Variants in MGAT4C observed in about 807,000 individuals in gnomAD.
MGAT4C encodes the protein MGAT4 family member C.
A neutral mutation model predicts 40.1 loss-of-function variants in MGAT4C; 19 were observed. The observed-to-expected ratio is 0.47, with a 90% CI of 0.33 to 0.70. The LOEUF is 0.70. MGAT4C is among the 30% of genes least tolerant of loss of function. MGAT4C has a pLI of 0.02. For missense variants in MGAT4C, 491 were observed against 563.2 expected (o/e 0.87, Z 1.30); for synonymous variants, 181 against 187.1 (o/e 0.97, Z 0.27).
At chr12:86,245,940 G>C (rs1592571858) in intron 1 of MGAT4C, among the ~76,000 whole-genome samples, 1 of 151,902 alleles carries the variant, frequency 6.6e-6, no homozygotes, top group Admixed American at 6.6e-5. Flanking sequence ...TAAAACAAAA[G>C]TTTACACCAT....
At chr12:86,587,385 G>A (rs1307125439) in intron 2 of MGAT4C, among the ~76,000 whole-genome samples, 2 of 152,060 alleles carry the variant, frequency 1.3e-5, no homozygotes, top group African/African-American at 4.8e-5. Context: ...GTCAGGTAGT[G>A]TGATGCCTCC....
chr12:86,493,822 A>G (rs1958184218), intron 2 of MGAT4C, among the ~76,000 whole-genome samples: 1 of 151,900 alleles, frequency 6.6e-6, no homozygotes, highest in Admixed American at 6.6e-5. Context: ...ATAAAATAAA[A>G]TAAATTATCC....
chr12:86,445,686 T>C (rs574531447), intron 2 of MGAT4C, among the ~76,000 whole-genome samples: 1 of 152,300 alleles, frequency 6.6e-6, no homozygotes, highest in African/African-American at 2.4e-5. Flanking sequence ...AATATTTACA[T>C]AATAGAATAA....
chr12:86,194,627 TTTTTTTTTGTA>T (rs1448204622), intron 1 of MGAT4C, among the ~76,000 whole-genome samples: 1 of 151,866 alleles, frequency 6.6e-6, no homozygotes, highest in Non-Finnish European at 1.5e-5. Context: ...ACTAATTTTT[TTTTTTTTTGTA>T]TTTTTAGTAG....
At chr12:86,736,411 T>C (rs933495051) in intron 1 of MGAT4C, among the ~76,000 whole-genome samples, 1 of 151,880 alleles carries the variant, frequency 6.6e-6, no homozygotes, top group Non-Finnish European at 1.5e-5. Flanking sequence ...CTTCCCTTAT[T>C]ATCCGGCTTA....
At chr12:85,999,216 G>T (rs1293101651) in intron 2 of MGAT4C, among the ~76,000 whole-genome samples, 1 of 152,078 alleles carries the variant, frequency 6.6e-6, no homozygotes, top group African/African-American at 2.4e-5. Flanking sequence ...GCCTTTCACT[G>T]GCTGCCTCCC....
At chr12:86,540,741 AG>A (rs763296963) in intron 2 of MGAT4C, among the ~76,000 whole-genome samples, 106 of 147,974 alleles carry the variant, frequency 7.2e-4, no homozygotes, top group Non-Finnish European at 8.7e-4. Flanking sequence ...ATCTCCAGAA[AG>A]AGAGAGAGAG....
At chr12:86,484,634 A>C (rs1957987692) in intron 2 of MGAT4C, among the ~76,000 whole-genome samples, 1 of 152,212 alleles carries the variant, frequency 6.6e-6, no homozygotes, top group Admixed American at 6.5e-5. Flanking sequence ...CAGAACACTG[A>C]GAGGGGTGAG....
chr12:86,304,870 T>C (rs1953897060), intron 4 of MGAT4C, among the ~76,000 whole-genome samples: 1 of 150,564 alleles, frequency 6.6e-6, no homozygotes, highest in East Asian at 2.0e-4. Context: ...AAACCACCAG[T>C]AGCTGGGAAG....
chr12:86,470,367 G>A lies in MGAT4C; in HGVS notation c.-228-35102C>T, dbSNP rs117785669. ...AATGAAAATATGAGGACTGAACTTC[G>A]ACTCTATCTTGGGTGACAAGAAGAA... On this transcript the variant is annotated intron_variant, in intron 2 of 7. Coordinates refer to the MGAT4C transcript ENST00000548651. 2.0e-5 allele frequency among the ~76,000 whole-genome samples: 3 copies of A among 152,024 alleles called. No individual in the cohort carries two copies. In the East Asian group the frequency reaches 5.8e-4, roughly 29 times the overall value.
At chr12:86,580,110 C>A (rs1374519217) in intron 2 of MGAT4C, among the ~76,000 whole-genome samples, 1 of 151,270 alleles carries the variant, frequency 6.6e-6, no homozygotes, top group Non-Finnish European at 1.5e-5. Context: ...AAACTTATTT[C>A]TACCCCTAGT....
intron 2 of MGAT4C, among the ~76,000 whole-genome samples, chr12:86,547,279 CTCT>C (rs1338930599): frequency 1.3e-5 from 2 of 151,850 alleles, no homozygotes; most frequent in Non-Finnish European, 2.9e-5. Context: ...CTTCCTCATC[CTCT>C]TCTTCTCCCC....
chr12:86,039,897 T>G (rs1334802105), intron 2 of MGAT4C, among the ~76,000 whole-genome samples: 2 of 152,188 alleles, frequency 1.3e-5, no homozygotes, highest in African/African-American at 4.8e-5. Flanking sequence ...TGACTTTAAT[T>G]TGGGTTCTCT....
chr12:86,373,680 T>G (rs1284607803), intron 3 of MGAT4C, among the ~76,000 whole-genome samples: 5 of 151,844 alleles, frequency 3.3e-5, no homozygotes, highest in Non-Finnish European at 5.9e-5. Context: ...TGTAGCATAG[T>G]TCTTTGTTAC....
At chr12:86,355,348 A>T (rs890796241) in intron 3 of MGAT4C, among the ~76,000 whole-genome samples, 1 of 152,056 alleles carries the variant, frequency 6.6e-6, no homozygotes, top group Admixed American at 6.6e-5. Flanking sequence ...TCTCAATTGG[A>T]GTCTCAGAAG....
intron 2 of MGAT4C, among the ~76,000 whole-genome samples, chr12:86,695,391 C>T (rs1049150010): frequency 1.3e-5 from 2 of 152,188 alleles, no homozygotes; most frequent in South Asian, 2.1e-4. Context: ...GTAGAGCTAA[C>T]ATATGATCCA....
At chr12:86,830,186 T>C (rs908800525) in intron 1 of MGAT4C, among the ~76,000 whole-genome samples, 6 of 151,534 alleles carry the variant, frequency 4.0e-5, no homozygotes, top group African/African-American at 1.2e-4. Flanking sequence ...AGTCCATCCA[T>C]CTCTTTCTGC....
chr12:86,357,672 T>C lies in MGAT4C; in HGVS notation c.-119-23545A>G, dbSNP rs976245899. 1.2e-4 allele frequency among the ~76,000 whole-genome samples: 19 copies of C among 152,118 alleles called. No homozygotes were observed. The South Asian group carries it at 2.3e-3, about 18-fold the overall frequency. ...GCTGAAAACCATGGCACAAGAACTA[T>C]GTGACACAGGTACAAGCTTCAGTAG... On this transcript the variant is annotated intron_variant, in intron 3 of 7. Coordinates refer to the MGAT4C transcript ENST00000548651.
chr12:86,200,127 G>GTTTTTTTTTTTTTTTTTTTT (rs56844963), intron 1 of MGAT4C, among the ~76,000 whole-genome samples: 1 of 102,356 alleles, frequency 9.8e-6, no homozygotes, highest in Non-Finnish European at 1.8e-5. Context: ...GTATGTATTT[G>GTTTTTTTTTTTTTTTTTTTT]TTTTTTTTTT....
Sources: gnomAD v4.1 joint callset for allele counts (sites outside exome capture counted in the v4.1 genomes callset) on GRCh38, gnomAD v4.1.1 for gene constraint, MANE v1.5 for transcripts, NCBI Gene and HGNC (gene_info 2026-07-23, HGNC 2026-07-21) for gene names.